The following MAML3 variants were observed in gnomAD, a reference collection of about 807,000 sequenced individuals.
The protein encoded by MAML3 is mastermind-like protein 3.
In MAML3, 27 loss-of-function variants were observed where a neutral mutation model predicts 101.9. The observed-to-expected ratio is 0.27, with a 90% CI of 0.20 to 0.37. MAML3 has a LOEUF of 0.37. MAML3 is among the 10% of genes least tolerant of loss of function. MAML3 has a pLI of 1.00. For synonymous variants in MAML3, 501 were observed against 555.9 expected (o/e 0.90, Z 1.39); for missense variants, 1,316 against 1,444.9 (o/e 0.91, Z 1.45).
chr4:140,073,861 T>C (rs1412606631), intron 1 of MAML3, among the ~76,000 whole-genome samples: 1 of 151,624 alleles, frequency 6.6e-6, no homozygotes, highest in Non-Finnish European at 1.5e-5. Context: ...TGGCCAGGTG[T>C]GGTGGCTCAT....
At chr4:139,864,654 G>A (rs539294810) in intron 2 of MAML3, among the ~76,000 whole-genome samples, 5 of 115,930 alleles carry the variant, frequency 4.3e-5, no homozygotes, top group Non-Finnish European at 6.4e-5. Flanking sequence ...CCAGCCTGGC[G>A]ACAGAGCGAG....
intron 1 of MAML3, among the ~76,000 whole-genome samples, chr4:140,014,790 A>G (rs1726616728): frequency 6.6e-6 from 1 of 152,194 alleles, no homozygotes; most frequent in South Asian, 2.1e-4. Context: ...AGGAAGTGGT[A>G]AACTTCAATC....
At chr4:139,863,832 G>GTTTTTTTTTT (rs58270046) in intron 2 of MAML3, among the ~76,000 whole-genome samples, 3,490 of 110,380 alleles carry the variant, frequency 0.032, 452 homozygotes, top group East Asian at 0.18. Context: ...CAGAACATGG[G>GTTTTTTTTTT]TTTTTTTTTT....
intron 1 of MAML3, among the ~76,000 whole-genome samples, chr4:140,128,314 G>C (rs1424617325): frequency 1.3e-5 from 2 of 152,194 alleles, no homozygotes; most frequent in African/African-American, 2.4e-5. Flanking sequence ...AGTCACAGAT[G>C]AGCGAAGATG....
intron 2 of MAML3, among the ~76,000 whole-genome samples, chr4:139,815,016 A>AT (rs1199653112): frequency 3.3e-5 from 5 of 152,226 alleles, no homozygotes; most frequent in Non-Finnish European, 1.5e-5. Flanking sequence ...TATGTAAAAT[A>AT]TAATTATCTG....
chr4:139,739,433 G>A (rs1469930985), intron 2 of MAML3, among the ~76,000 whole-genome samples: 3 of 152,122 alleles, frequency 2.0e-5, no homozygotes, highest in South Asian at 2.1e-4. Context: ...TATGCTTTTC[G>A]TCTGCCTTTG....
rs1261991629 is a variant in MAML3 at position 139,719,724 on chromosome 4, G to A, written c.3016C>T (p.Leu1006=). Residue 1006 remains leucine (L), a synonymous_variant, in exon 5 of 5, where the codon CTG becomes TTG. Coordinates refer to ENST00000509479, the MANE Select transcript of MAML3 (RefSeq NM_018717.5). ...TTAGCATCCACGACTGACTGGCTCA[G>A]TCCCTGTGGGAAGTGCTGCTTGGTC... is the stretch of plus-strand genomic sequence containing the variant. ...RLTKQHFPQG[L]SQSVVDANTG... 1.2e-6 allele frequency: 2 copies of A among 1,613,754 alleles called. No homozygotes were observed. Among genetic ancestry groups the A allele is most frequent in the South Asian group, 1.1e-5 (1 of 91,032 alleles).
chr4:139,845,764 T>C (rs1334872086), intron 2 of MAML3, among the ~76,000 whole-genome samples: 1 of 152,234 alleles, frequency 6.6e-6, no homozygotes, highest in African/African-American at 2.4e-5. Context: ...GGTACCACAA[T>C]CCCCTTATAC....
intron 1 of MAML3, among the ~76,000 whole-genome samples, chr4:140,034,042 T>TAAC (rs998142292): frequency 6.6e-6 from 1 of 152,104 alleles, no homozygotes; most frequent in Admixed American, 6.6e-5. Context: ...CCAATAATAA[T>TAAC]AACAACAACA....
intron 1 of MAML3, among the ~76,000 whole-genome samples, chr4:140,084,460 G>A (rs1435683257): frequency 6.6e-6 from 1 of 152,148 alleles, no homozygotes; most frequent in Non-Finnish European, 1.5e-5. Flanking sequence ...GCTCCTCAAA[G>A]ACAACAGTAA....
chr4:140,000,434 T>TA (rs1273507945), intron 1 of MAML3, among the ~76,000 whole-genome samples: 2 of 152,076 alleles, frequency 1.3e-5, no homozygotes, highest in African/African-American at 2.4e-5. Context: ...CTGGTGAAGT[T>TA]AAAAATCAAT....
At chr4:140,025,742 T>G (rs1726811215) in intron 1 of MAML3, among the ~76,000 whole-genome samples, 1 of 152,192 alleles carries the variant, frequency 6.6e-6, no homozygotes, top group Non-Finnish European at 1.5e-5. Flanking sequence ...TGTTGCCACT[T>G]TCGACTTCAT....
chr4:140,085,915 G>T (rs1460183294), intron 1 of MAML3, among the ~76,000 whole-genome samples: 2 of 151,900 alleles, frequency 1.3e-5, no homozygotes, highest in Non-Finnish European at 2.9e-5. Context: ...TTTCTTCTTG[G>T]CCTCTATCAT....
intron 2 of MAML3, among the ~76,000 whole-genome samples, chr4:139,869,343 C>T (rs1300493908): frequency 1.3e-5 from 2 of 149,354 alleles, no homozygotes; most frequent in Admixed American, 6.7e-5. Context: ...TTCTCAAGGA[C>T]CCAAGGAAGT....
Position 139,719,181 on chromosome 4 carries a change from A to G in MAML3, c.*142T>C. 1.1e-6 allele frequency: 1 copy of G among 928,024 alleles called. No homozygotes were observed. The highest frequency in any genetic ancestry group is 1.7e-5 in the African/African-American group (1 of 59,878). The allele number at this position is 928,024 out of a possible 1,614,324, so 57.5% of individuals were successfully genotyped here. On this transcript the variant is annotated 3_prime_UTR_variant, in exon 5 of 5. Coordinates refer to ENST00000509479, the MANE Select transcript of MAML3 (RefSeq NM_018717.5). ...GGTGGGGCTGTGGATTGGCACCTGG[A>G]TCTTCCATTGTCAGCCAGCTGCAGT...
At chr4:139,773,598 CA>C (rs1343511455) in intron 2 of MAML3, among the ~76,000 whole-genome samples, 1 of 152,104 alleles carries the variant, frequency 6.6e-6, no homozygotes, top group Non-Finnish European at 1.5e-5. Context: ...AGCACATTAC[CA>C]AAAGGCTCAG....
chr4:139,810,788 T>C (rs1286356554), intron 2 of MAML3, among the ~76,000 whole-genome samples: 2 of 152,248 alleles, frequency 1.3e-5, no homozygotes, highest in Non-Finnish European at 2.9e-5. Context: ...CACCACTGGC[T>C]GCCTAGCTAA....
intron 1 of MAML3, among the ~76,000 whole-genome samples, chr4:139,992,542 G>T (rs1376809838): frequency 1.3e-5 from 2 of 151,688 alleles, no homozygotes; most frequent in East Asian, 1.9e-4. Flanking sequence ...TTTTGTTTTT[G>T]TTTTTTTGAG....
intron 2 of MAML3, among the ~76,000 whole-genome samples, chr4:139,830,508 G>C (rs1422346035): frequency 1.4e-5 from 2 of 145,928 alleles, no homozygotes; most frequent in East Asian, 4.1e-4. Flanking sequence ...GCCGCCTCCC[G>C]GGTTCCCGCC....
Sources: allele counts gnomAD v4.1 joint callset (sites outside exome capture counted in the v4.1 genomes callset), GRCh38; gene constraint gnomAD v4.1.1; transcripts MANE v1.5; gene names NCBI Gene and HGNC (gene_info 2026-07-23, HGNC 2026-07-21).